Variants in CASKIN2 observed in about 807,000 individuals in gnomAD.
The protein encoded by CASKIN2 is caskin-2.
CASKIN2 carries 41 observed loss-of-function variants against 107.1 expected under a neutral mutation model. The observed-to-expected ratio is 0.38, with a 90% CI of 0.30 to 0.50. CASKIN2 has a LOEUF of 0.50. Ranked by LOEUF, CASKIN2 falls within the 20% of genes least tolerant of loss-of-function variation. The pLI is 0.92. For synonymous variants in CASKIN2, 724 were observed against 705.6 expected (o/e 1.03, Z -0.41); for missense variants, 1,546 against 1,657.4 (o/e 0.93, Z 1.17).
intron 2 of CASKIN2, 49 bp downstream of exon 2, chr17:75,513,662 G>T: frequency 6.9e-6 from 9 of 1,303,982 alleles, no homozygotes; most frequent in Non-Finnish European, 1.0e-5. Flanking sequence ...AAGCCTCTGT[G>T]AACTGAGCGC....
intron 2 of CASKIN2, among the ~76,000 whole-genome samples, chr17:75,508,540 A>G (rs1036321159): frequency 1.3e-5 from 2 of 152,026 alleles, no homozygotes; most frequent in African/African-American, 4.8e-5. Flanking sequence ...TTATAGAGCC[A>G]AAGAGGGCGG....
chr17:75,506,859 G>A lies in CASKIN2; in HGVS notation c.426C>T (p.Cys142=). 3.7e-6 allele frequency: 6 copies of A among 1,612,826 alleles called. No individual in the cohort carries two copies. Among genetic ancestry groups the A allele is most frequent in the Non-Finnish European group, 4.2e-6 (5 of 1,179,660 alleles). ...GCGTCTTCTTGGCCTTGTTGACCAG[G>A]CATGGGTTGGACTGATGCTGGAGGA... ...EMLLQHQSNP[C]LVNKAKKTPL... The change falls in exon 6 of 20, where the codon TGC becomes TGT. Residue 142 remains cysteine (C), a synonymous_variant. Coordinates refer to ENST00000321617, the MANE Select transcript of CASKIN2 (RefSeq NM_020753.5). The surrounding 1 kb of genome is among the most constrained non-coding windows in gnomAD (Gnocchi z 4.8).
At position 75,503,109 on chromosome 17, in the gene CASKIN2, T is replaced by C; in HGVS notation, c.1965A>G (p.Glu655=). 6.2e-7 allele frequency: 1 copy of C among 1,607,130 alleles called. No homozygotes were observed. Residue 655 remains glutamate (E), a synonymous_variant, in exon 18 of 20, where the codon GAA becomes GAG. Coordinates refer to ENST00000321617, the MANE Select transcript of CASKIN2 (RefSeq NM_020753.5). ...LMAIEGLENG[E]GPATAGPRLL... is the part of the protein sequence containing the mutation. ...GCCGTGGGCCAGCTGTAGCTGGGCC[T>C]TCTCCGTTCTCCAGTCCCTCGATGG...
In CASKIN2 at chr17:75,505,675, G is replaced by T. The variant is rs1357166539; in HGVS notation, c.836-24C>A. ...CTCTAAGAAAACGGGGTGGGGGACA[G>T]GTGTCATCTAAGGGTCCTTAGGGCA... On this transcript the variant is annotated intron_variant, in intron 9 of 19. Transcript: ENST00000321617. This position sits in a 1 kb window ranked among gnomAD's most constrained non-coding sequence, Gnocchi z 5.1. 2 of 1,605,032 alleles carry T rather than the reference G, an allele frequency of 1.2e-6. No individual in the cohort carries two copies. The highest frequency in any genetic ancestry group is 1.7e-5 in the Admixed American group (1 of 59,908).
chr17:75,504,798 CT>C lies in CASKIN2; in HGVS notation c.1192+13del. The stretch of plus-strand genomic sequence containing the variant: ...CCCACACAGTGCCCAGCACTGCCCC[CT>C]GGGAGGATGTACCTGGGCTGTCTGG... On this transcript the variant is annotated intron_variant, in intron 11 of 19. Coordinates refer to ENST00000321617, the MANE Select transcript of CASKIN2 (RefSeq NM_020753.5). 2.5e-6 allele frequency: 4 copies of C among 1,604,814 alleles called. No individual in the cohort carries two copies. The highest frequency in any genetic ancestry group is 3.4e-6 in the Non-Finnish European group (4 of 1,175,990).
intron 14 of CASKIN2, 77 bp downstream of exon 14, chr17:75,504,138 C>T (rs972782766): frequency 7.0e-7 from 1 of 1,429,030 alleles, no homozygotes. Flanking sequence ...CACCTTCCCC[C>T]CCGAGGCCCA....
Position 75,514,017 on chromosome 17 carries a change from T to C in CASKIN2, c.-213A>G, listed in dbSNP as rs1328962350. ...GAACTGCCACCACACGAAGGAAAGC[T>C]AATCTTTGAGGGGGTGAAGGCTACA... On this transcript the variant is annotated 5_prime_UTR_variant, in exon 2 of 20. Transcript: ENST00000321617. The C allele has an allele frequency of 1.4e-5, 8 of 590,266 alleles. No individual in the cohort carries two copies. The highest frequency in any genetic ancestry group is 6.0e-5 in the Admixed American group (2 of 33,526). 36.6% of individuals were successfully genotyped at this position (590,266 alleles called of 1,614,324 possible).
intron 2 of CASKIN2, among the ~76,000 whole-genome samples, chr17:75,508,702 G>A (rs1388653758): frequency 6.6e-6 from 1 of 152,210 alleles, no homozygotes; most frequent in African/African-American, 2.4e-5. Context: ...GTATTCAAGG[G>A]CAGGCCACGA....
Position 75,502,879 on chromosome 17 carries a change from A to G in CASKIN2, c.2195T>C (p.Leu732Pro). The change falls in exon 18 of 20, where the codon CTC becomes CCC. Residue 732 changes from leucine (L) to proline (P), a missense_variant. Physicochemically the swap from Leu to Pro is moderately conservative, Grantham distance 98. Coordinates refer to ENST00000321617, the MANE Select transcript of CASKIN2 (RefSeq NM_020753.5). The surrounding 1 kb of genome is among the most constrained non-coding windows in gnomAD (Gnocchi z 4.3). ...GDPSPPQERN[L>P]PEGTERPPKL... is the part of the protein sequence containing the mutation. Reference sequence around the variant, plus strand: ...AGGGGGCCGCTCTGTGCCCTCTGGGAGGTTCCTCTCCTGGGGGGGGCTGGG... The same window carrying G: ...AGGGGGCCGCTCTGTGCCCTCTGGGGGGTTCCTCTCCTGGGGGGGGCTGGG... 6 of 1,539,914 alleles carry G rather than the reference A, an allele frequency of 3.9e-6. No individual in the cohort carries two copies. Among genetic ancestry groups the G allele is most frequent in the Non-Finnish European group, 5.2e-6 (6 of 1,143,636 alleles).
At chr17:75,507,529 TG>T (rs2053278316) in intron 4 of CASKIN2, 54 bp downstream of exon 4, 4 of 1,323,338 alleles carry the variant, frequency 3.0e-6, no homozygotes, top group South Asian at 1.2e-5. Context: ...TCCCAGGGTC[TG>T]GGTAGGGCCC....
chr17:75,507,736 A>G (rs2053280550), intron 3 of CASKIN2, 55 bp from the exon 4 acceptor site: 1 of 1,373,982 alleles, frequency 7.3e-7, no homozygotes, highest in Non-Finnish European at 1.0e-6. Flanking sequence ...CCACCCCCAA[A>G]TCCTGGTCTT....
At chr17:75,511,786 C>G (rs759110448) in intron 2 of CASKIN2, among the ~76,000 whole-genome samples, 47 of 152,186 alleles carry the variant, frequency 3.1e-4, no homozygotes, top group Non-Finnish European at 5.3e-4. Context: ...CACAAGGGAA[C>G]TTCTCGGAGC....
rs1017890232 is a variant in CASKIN2, at chr17:75,501,990, G to A, written c.3084C>T (p.Gly1028=). The change falls in exon 18 of 20, where the codon GGC becomes GGT. Residue 1028 remains glycine (G), a synonymous_variant. Transcript: ENST00000321617. The part of the protein sequence containing the change: ...PAAPLPSPTP[G]ESPPASSLPQ... ...GAAGGCTAGAAGCTGGAGGAGACTC[G>A]CCAGGAGTTGGGGAAGGCAGTGGGG... is the stretch of plus-strand genomic sequence containing the variant. 1.9e-5 allele frequency: 31 copies of A among 1,612,318 alleles called. No individual in the cohort carries two copies. Among genetic ancestry groups the A allele is most frequent in the Non-Finnish European group, 2.5e-5 (29 of 1,179,524 alleles).
chr17:75,507,049 T>C lies in CASKIN2; in HGVS notation c.325A>G (p.Asn109Asp). The C allele has an allele frequency of 1.9e-6, 3 of 1,612,700 alleles. No individual in the cohort carries two copies. The highest frequency in any genetic ancestry group is 2.2e-5 in the South Asian group (2 of 91,074). The change falls in exon 5 of 20, where the codon AAT (asparagine) becomes GAT (aspartate). Residue 109 changes from asparagine to aspartate, a missense_variant. Transcript: ENST00000321617. ...RLLLRASAAV[N>D]AASLDGQIPL... ...ATCTGTCCGTCCAGCGAGGCGGCAT[T>C]GACAGCCGCAGAGGCGCGCAGCAGC...
Position 75,508,275 on chromosome 17 carries a change from G to A in CASKIN2, c.105C>T (p.Gly35=), listed in dbSNP as rs759337594. Residue 35 remains glycine, a synonymous_variant, in exon 3 of 20, where the codon GGC becomes GGT. Coordinates refer to ENST00000321617, the MANE Select transcript of CASKIN2 (RefSeq NM_020753.5). ...AGTTCACGTTGAGCCTCTTTGTGGA[G>A]CCCAGGAGCTCTAGGGGTCAGGATA... ...KVKATKTKLL[G]STKRLNVNYQ... The A allele has an allele frequency of 6.2e-7, 1 of 1,613,820 alleles. No homozygotes were observed. Among genetic ancestry groups the A allele is most frequent in the South Asian group, 1.1e-5 (1 of 91,014 alleles).
chr17:75,504,420 C>T lies in CASKIN2; in HGVS notation c.1375G>A (p.Asp459Asn), dbSNP rs778627404. 6 of 1,606,580 alleles carry T rather than the reference C, an allele frequency of 3.7e-6. No individual in the cohort carries two copies. Residue 459 changes from aspartate (D) to asparagine (N), a missense_variant and splice_region_variant, in exon 13 of 20, where the codon GAC becomes AAC. Around this residue, in one of 6 missense-constraint regions of CASKIN2, gnomAD observed 1,311 missense variants for 1,311.0 expected, o/e 1.00. Transcript: ENST00000321617. ...LPGLHPPSLADNLSHRPLANC... is the reference protein window; with the variant it reads ...LPGLHPPSLANNLSHRPLANC... Reference sequence around the variant, plus strand: ...ACCCAGGTCCCCTGACCCTTCCTACCTGCCAGGGACGGCGGGTGGAGTCCT... The same window carrying T: ...ACCCAGGTCCCCTGACCCTTCCTACTTGCCAGGGACGGCGGGTGGAGTCCT...
chr17:75,508,436 C>G, intron 2 of CASKIN2, 151 bp from the exon 3 acceptor site: 2 of 771,138 alleles, frequency 2.6e-6, no homozygotes, highest in Non-Finnish European at 4.3e-6. Flanking sequence ...TGTGGCTCCC[C>G]ACCCTGGCCC....
In CASKIN2 at chr17:75,501,615, C is replaced by G. The variant is rs1490297867; in HGVS notation, c.3371G>C (p.Gly1124Ala). The change falls in exon 19 of 20, where the codon GGC becomes GCC. Residue 1124 changes from glycine (G) to alanine (A), a missense_variant. Physicochemically the swap from Gly to Ala is moderately conservative, Grantham distance 60 (BLOSUM62 0). Coordinates refer to ENST00000321617, the MANE Select transcript of CASKIN2 (RefSeq NM_020753.5). The stretch of plus-strand genomic sequence containing the variant: ...CCGTGGAGGAGGCACTGGGCGGGGG[C>G]CGAGCCGGGGCGCTAGCTTAGGGCC... ...FSGPKLAPRL[G>A]PRPVPPPRPE... The G allele has an allele frequency of 3.1e-6, 5 of 1,602,178 alleles. No homozygotes were observed. The highest frequency in any genetic ancestry group is 2.6e-6 in the Non-Finnish European group (3 of 1,173,582).
At chr17:75,510,570 G>C (rs965554043) in intron 2 of CASKIN2, among the ~76,000 whole-genome samples, 2 of 151,980 alleles carry the variant, frequency 1.3e-5, no homozygotes, top group East Asian at 3.9e-4. Flanking sequence ...GGGAGTCCAA[G>C]GAGTCTACAC....
Sources: gnomAD v4.1 joint callset for allele counts (sites outside exome capture counted in the v4.1 genomes callset) on GRCh38, gnomAD v4.1.1 for gene constraint, gnomAD v4.1.1 regional missense constraint, Gnocchi (gnomAD v3.1) non-coding constraint, MANE v1.5 for transcripts, NCBI Gene and HGNC (gene_info 2026-07-23, HGNC 2026-07-21) for gene names.